Variants in GHR observed in about 807,000 individuals in gnomAD.
The protein encoded by GHR is growth hormone receptor, also known as GH receptor.
GHR carries 35 observed loss-of-function variants against 67.1 expected under a neutral mutation model. That is an observed-to-expected ratio of 0.52 (90% CI 0.40 to 0.69). The LOEUF is 0.69. Ranked by LOEUF, GHR falls within the 30% of genes least tolerant of loss-of-function variation. The pLI is 0.00. For missense variants in GHR, 792 were observed against 764.6 expected (o/e 1.04, Z -0.42); for synonymous variants, 272 against 269.1 (o/e 1.01, Z -0.10).
At chr5:42,534,664 G>A (rs1417989612) in intron 1 of GHR, among the ~76,000 whole-genome samples, 1 of 151,868 alleles carries the variant, frequency 6.6e-6, no homozygotes, top group Non-Finnish European at 1.5e-5. Flanking sequence ...TCTTTCCTCT[G>A]GGTAGATACC....
intron 1 of GHR, among the ~76,000 whole-genome samples, chr5:42,554,826 TA>T (rs1245238932): frequency 6.6e-6 from 1 of 152,250 alleles, no homozygotes; most frequent in East Asian, 1.9e-4. Context: ...TTGAGTTAAA[TA>T]AGATACATTA....
chr5:42,594,542 A>G (rs1430307589), intron 2 of GHR, among the ~76,000 whole-genome samples: 1 of 152,150 alleles, frequency 6.6e-6, no homozygotes, highest in Non-Finnish European at 1.5e-5. Flanking sequence ...GCTATGTTTA[A>G]AGCTGACCTT....
chr5:42,628,192 G>C (rs1356488752), intron 2 of GHR, among the ~76,000 whole-genome samples: 1 of 152,140 alleles, frequency 6.6e-6, no homozygotes, highest in Non-Finnish European at 1.5e-5. Context: ...TCTGCTTCTG[G>C]AACCTCAGGT....
chr5:42,569,963 C>T (rs1184074983), intron 2 of GHR, among the ~76,000 whole-genome samples: 1 of 152,106 alleles, frequency 6.6e-6, no homozygotes, highest in Non-Finnish European at 1.5e-5. Context: ...TTTTCATAAA[C>T]CTATGCACAC....
intron 1 of GHR, among the ~76,000 whole-genome samples, chr5:42,499,061 T>C (rs1746432583): frequency 6.6e-6 from 1 of 152,204 alleles, no homozygotes; most frequent in Non-Finnish European, 1.5e-5. Context: ...CTGGCTTCCA[T>C]AGCAAACCAA....
At chr5:42,580,537 T>A (rs559145119) in intron 2 of GHR, among the ~76,000 whole-genome samples, 1 of 152,320 alleles carries the variant, frequency 6.6e-6, no homozygotes, top group South Asian at 2.1e-4. Context: ...TAGAAACTAA[T>A]TAAAAATAAA....
rs1580087283 is a variant in GHR at position 42,629,603 on chromosome 5, T to A, written c.136+500T>A. Reference sequence around the variant, plus strand: ...TGTGAGCCATTTAAATCATTTTTCTTTATAAATTACCCAGCCTCAGGTACT... The same window carrying A: ...TGTGAGCCATTTAAATCATTTTTCTATATAAATTACCCAGCCTCAGGTACT... On this transcript the variant is annotated intron_variant, in intron 3 of 9. Coordinates refer to ENST00000230882, the MANE Select transcript of GHR (RefSeq NM_000163.5). 3.0e-5 allele frequency among the ~76,000 whole-genome samples: 4 copies of A among 132,226 alleles called. 1 individual carries two copies. Among genetic ancestry groups the A allele is most frequent in the Admixed American group, 2.9e-4 (4 of 13,706 alleles). 86.7% of individuals were successfully genotyped at this position (132,226 alleles called of 152,430 possible).
chr5:42,511,198 A>G (rs1747000455), intron 1 of GHR, among the ~76,000 whole-genome samples: 1 of 152,196 alleles, frequency 6.6e-6, no homozygotes, highest in African/African-American at 2.4e-5. Flanking sequence ...TCCCTCCAGA[A>G]GTCCTCACGG....
chr5:42,634,206 T>C (rs1253867412), intron 3 of GHR, among the ~76,000 whole-genome samples: 1 of 152,176 alleles, frequency 6.6e-6, no homozygotes, highest in Non-Finnish European at 1.5e-5. Flanking sequence ...TAAGTGTTGA[T>C]ATATTTAAAG....
intron 1 of GHR, among the ~76,000 whole-genome samples, chr5:42,563,176 G>C (rs1749713293): frequency 2.0e-5 from 3 of 152,196 alleles, no homozygotes; most frequent in Admixed American, 1.3e-4. Context: ...AGCAGAAAAG[G>C]CTGCGTGGGA....
intron 1 of GHR, among the ~76,000 whole-genome samples, chr5:42,547,828 T>C (rs1338619912): frequency 7.2e-6 from 1 of 138,918 alleles, no homozygotes; most frequent in Non-Finnish European, 1.5e-5. Context: ...ATTTTAGAAT[T>C]CATTTACTCA....
intron 1 of GHR, among the ~76,000 whole-genome samples, chr5:42,551,546 A>G (rs575613322): frequency 2.6e-5 from 4 of 152,338 alleles, no homozygotes; most frequent in South Asian, 2.1e-4. Flanking sequence ...ATGCAGAGGT[A>G]GAATCCTCCC....
At chr5:42,537,391 T>A (rs752348450) in intron 1 of GHR, among the ~76,000 whole-genome samples, 3 of 152,188 alleles carry the variant, frequency 2.0e-5, no homozygotes, top group Non-Finnish European at 4.4e-5. Context: ...ATTTTTTAAC[T>A]TCCATCTTGA....
chr5:42,710,278 A>G (rs1044738627), intron 6 of GHR, among the ~76,000 whole-genome samples: 3 of 152,208 alleles, frequency 2.0e-5, no homozygotes, highest in South Asian at 2.1e-4. Context: ...CTGACTTAAT[A>G]AAACAAATTA....
chr5:42,711,485 A>G, intron 7 of GHR, 113 bp downstream of exon 7: 1 of 774,344 alleles, frequency 1.3e-6, no homozygotes, highest in Admixed American at 1.9e-5. Flanking sequence ...TTAACATCAG[A>G]TATCAGGATG....
chr5:42,456,386 C>T (rs1744260939), intron 1 of GHR, among the ~76,000 whole-genome samples: 1 of 152,106 alleles, frequency 6.6e-6, no homozygotes, highest in Non-Finnish European at 1.5e-5. Context: ...TTAAAGCTCT[C>T]AGGTGATATA....
chr5:42,638,107 T>C (rs984798891), intron 3 of GHR, among the ~76,000 whole-genome samples: 2 of 151,900 alleles, frequency 1.3e-5, no homozygotes, highest in African/African-American at 4.8e-5. Flanking sequence ...GCCCGGCAAA[T>C]TTTTTTTATT....
At chr5:42,512,773 T>C (rs927266215) in intron 1 of GHR, among the ~76,000 whole-genome samples, 1 of 151,958 alleles carries the variant, frequency 6.6e-6, no homozygotes, top group Admixed American at 6.6e-5. Context: ...TTGGTTACCA[T>C]GATGGCACAA....
chr5:42,464,913 T>C (rs896692924), intron 1 of GHR, among the ~76,000 whole-genome samples: 2 of 152,198 alleles, frequency 1.3e-5, no homozygotes, highest in African/African-American at 4.8e-5. Context: ...TGAATTAAAC[T>C]GTTTAAATGG....
Sources: allele counts gnomAD v4.1 joint callset (sites outside exome capture counted in the v4.1 genomes callset), GRCh38; gene constraint gnomAD v4.1.1; transcripts MANE v1.5; gene names NCBI Gene and HGNC (gene_info 2026-07-23, HGNC 2026-07-21).